CDH13: variants seen among roughly 807,000 people sequenced by gnomAD.
CDH13 encodes cadherin 13, also known as cadherin-13.
In CDH13, 24 loss-of-function variants were observed where a neutral mutation model predicts 63.8. The ratio of observed to expected loss-of-function variants is 0.38; its 90% CI spans 0.27 to 0.53. CDH13 has a LOEUF of 0.53. Ranked by LOEUF, CDH13 falls within the 20% of genes least tolerant of loss-of-function variation. The probability of loss-of-function intolerance (pLI) is 0.85; values close to 1 mark genes in which losing one functional copy is unlikely to be tolerated. For missense variants in CDH13, 1,049 were observed against 903.1 expected, an observed-to-expected ratio of 1.16 and a Z score of -2.07; for synonymous variants, 503 against 355.3, an observed-to-expected ratio of 1.42 and a Z score of -4.67.
At chr16:83,245,029 A>C (rs1904848992) in intron 5 of CDH13, among the ~76,000 whole-genome samples, 1 of 152,090 alleles carries the variant, frequency 6.6e-6, no homozygotes, top group Non-Finnish European at 1.5e-5. Flanking sequence ...ATCATTCCCA[A>C]ATACCAGCCA....
At chr16:83,540,899 G>A (rs546260774) in intron 7 of CDH13, among the ~76,000 whole-genome samples, 1 of 152,282 alleles carries the variant, frequency 6.6e-6, no homozygotes, top group African/African-American at 2.4e-5. Context: ...CAAAGTGCTG[G>A]GATTATAGGC....
chr16:83,784,018 C>G (rs1231248081), intron 13 of CDH13, among the ~76,000 whole-genome samples: 1 of 152,012 alleles, frequency 6.6e-6, no homozygotes, highest in African/African-American at 2.4e-5. Context: ...ATTATTATGC[C>G]AAGTAGTATA....
chr16:82,900,233 C>G (rs1241138387), intron 2 of CDH13, among the ~76,000 whole-genome samples: 1 of 152,164 alleles, frequency 6.6e-6, no homozygotes, highest in African/African-American at 2.4e-5. Context: ...CCATGCCTGT[C>G]CCAAGTATAG....
chr16:83,186,613 C>T (rs1168390608), intron 4 of CDH13, among the ~76,000 whole-genome samples: 1 of 151,868 alleles, frequency 6.6e-6, no homozygotes, highest in Non-Finnish European at 1.5e-5. Flanking sequence ...TTTAATCTAC[C>T]CCTTCTCTGC....
Position 82,635,076 on chromosome 16 carries a change from C to T in CDH13, c.45+7939C>T, listed in dbSNP as rs536506257. ...AAAGCCCAGCTGTGTGAGGTCATGC[C>T]GTTCTAAATATTTTGCCTAGGTGTT... On this transcript the variant is annotated intron_variant, in intron 1 of 13. Transcript: ENST00000567109. Among the ~76,000 whole-genome samples, 5 of 152,276 alleles carry T rather than the reference C, an allele frequency of 3.3e-5. No homozygotes were observed. In the South Asian group the frequency reaches 6.2e-4, roughly 19 times the overall value.
At chr16:83,424,993 C>T (rs1004974936) in intron 6 of CDH13, among the ~76,000 whole-genome samples, 1 of 152,164 alleles carries the variant, frequency 6.6e-6, no homozygotes, top group Non-Finnish European at 1.5e-5. Context: ...CCCAAGGTTG[C>T]CATAGTAATG....
At chr16:82,822,382 G>C (rs747282021) in intron 1 of CDH13, among the ~76,000 whole-genome samples, 1 of 152,174 alleles carries the variant, frequency 6.6e-6, no homozygotes, top group Non-Finnish European at 1.5e-5. Context: ...GGAGAAAATT[G>C]TGTGTTATAT....
intron 6 of CDH13, among the ~76,000 whole-genome samples, chr16:83,357,362 TACAC>T (rs1196746687): frequency 6.6e-6 from 1 of 152,174 alleles, no homozygotes; most frequent in Non-Finnish European, 1.5e-5. Context: ...TACATTCACA[TACAC>T]ACACATGAAA....
intron 2 of CDH13, among the ~76,000 whole-genome samples, chr16:82,978,423 C>T (rs1191017528): frequency 2.0e-5 from 3 of 152,322 alleles, no homozygotes; most frequent in Admixed American, 1.3e-4. Flanking sequence ...GGCAGCCCCT[C>T]CCATTGCAGG....
chr16:82,677,951 A>T (rs1357686110), intron 1 of CDH13, among the ~76,000 whole-genome samples: 1 of 152,208 alleles, frequency 6.6e-6, no homozygotes, highest in Non-Finnish European at 1.5e-5. Context: ...CTGTTGGAAA[A>T]GCGTCTGAAG....
intron 1 of CDH13, among the ~76,000 whole-genome samples, chr16:82,633,162 C>T (rs1464392109): frequency 6.6e-6 from 1 of 152,136 alleles, no homozygotes; most frequent in Non-Finnish European, 1.5e-5. Context: ...GGTTGGGAAC[C>T]CCTGCTCTAC....
intron 7 of CDH13, among the ~76,000 whole-genome samples, chr16:83,510,443 A>G (rs1256307256): frequency 6.6e-6 from 1 of 152,256 alleles, no homozygotes; most frequent in Non-Finnish European, 1.5e-5. Context: ...ATGGATATTA[A>G]AAATACACAA....
intron 11 of CDH13, among the ~76,000 whole-genome samples, chr16:83,764,220 G>C (rs146737945): frequency 7.6e-4 from 116 of 152,278 alleles, no homozygotes; most frequent in African/African-American, 2.6e-3. Context: ...GTGGTGATCT[G>C]AGCATTTTTC....
intron 1 of CDH13, chr16:82,719,550 A>AT (rs1162534286): frequency 2.4e-6 from 1 of 415,304 alleles, no homozygotes; most frequent in Non-Finnish European, 4.8e-6. Flanking sequence ...TAAGCATTTG[A>AT]TTAAAACAAG....
intron 4 of CDH13, among the ~76,000 whole-genome samples, chr16:83,132,952 A>C (rs944803096): frequency 6.6e-6 from 1 of 152,074 alleles, no homozygotes; most frequent in African/African-American, 2.4e-5. Context: ...TCTTCCTGGG[A>C]TACACCCTCT....
intron 1 of CDH13, among the ~76,000 whole-genome samples, chr16:82,762,210 G>T (rs774105043): frequency 5.3e-5 from 8 of 152,178 alleles, no homozygotes; most frequent in Non-Finnish European, 1.2e-4. Context: ...AAATGAAGAG[G>T]TTGAATGTAA....
chr16:83,727,919 T>A (rs1910601647), intron 10 of CDH13, among the ~76,000 whole-genome samples: 1 of 152,172 alleles, frequency 6.6e-6, no homozygotes, highest in African/African-American at 2.4e-5. Context: ...GCTTTTGGGA[T>A]TCAAGGGTTT....
intron 8 of CDH13, among the ~76,000 whole-genome samples, chr16:83,625,372 C>G (rs117203794): frequency 6.6e-6 from 1 of 152,170 alleles, no homozygotes; most frequent in Non-Finnish European, 1.5e-5. Flanking sequence ...GTTTAAAGGA[C>G]GGTCCACTTC....
chr16:82,759,432 A>C (rs1041426659), intron 1 of CDH13, among the ~76,000 whole-genome samples: 2 of 151,874 alleles, frequency 1.3e-5, no homozygotes, highest in Non-Finnish European at 2.9e-5. Flanking sequence ...GTCTTCATCT[A>C]AATGAAGTCT....
Sources: allele counts gnomAD v4.1 joint callset (sites outside exome capture counted in the v4.1 genomes callset), GRCh38; gene constraint gnomAD v4.1.1; transcripts MANE v1.5; gene names NCBI Gene and HGNC (gene_info 2026-07-23, HGNC 2026-07-21).